The following P2RY8 variants were observed in gnomAD, a reference collection of about 807,000 sequenced individuals.
P2RY8 encodes P2Y receptor family member 8, also known as S-geranylgeranyl-glutathione receptor P2RY8.
Under a neutral mutation model 10.0 loss-of-function variants are expected in P2RY8, and 6 were observed. That is an observed-to-expected ratio of 0.60 (90% CI 0.33 to 1.19). The LOEUF is 1.19. Among genes scored for constraint, P2RY8 ranks in the 50% most tolerant of loss-of-function variants. The pLI is 0.04. For synonymous variants in P2RY8, 276 were observed against 252.5 expected (o/e 1.09, Z -0.88); for missense variants, 456 against 542.0 (o/e 0.84, Z 1.58).
intron 1 of P2RY8, among the ~76,000 whole-genome samples, chrX:1,481,101 T>C (rs1226297230): frequency 2.0e-5 from 3 of 151,862 alleles, no homozygotes; most frequent in Non-Finnish European, 2.9e-5. Flanking sequence ...GGAACTCTCA[T>C]TGAATGCTGG....
intron 1 of P2RY8, among the ~76,000 whole-genome samples, chrX:1,512,072 C>CA: frequency 6.6e-6 from 1 of 151,984 alleles, no homozygotes; most frequent in African/African-American, 2.4e-5. Context: ...CCCAGGCTGG[C>CA]GGGGGGGTCT....
chrX:1,466,191 A>G lies in P2RY8; in HGVS notation c.368T>C (p.Leu123Pro), dbSNP rs2091673695. ...GGAGCTGAGCGGGTACAGGACCCCC[A>G]GGAAGCGCTCCACGCTGATACAGGT... is the stretch of plus-strand genomic sequence containing the variant. The part of the protein sequence containing the change: ...TMTCISVERF[L>P]GVLYPLSSKR... The change falls in exon 2 of 2, where the codon CTG (leucine) becomes CCG (proline). Residue 123 changes from leucine (L) to proline (P), a missense_variant. Leu to Pro is a moderately conservative substitution (Grantham distance 98, BLOSUM62 -3). Coordinates refer to ENST00000381297, the MANE Select transcript of P2RY8 (RefSeq NM_178129.5). 6.2e-7 allele frequency: 1 copy of G among 1,612,778 alleles called. No individual in the cohort carries two copies. Among genetic ancestry groups the G allele is most frequent in the African/African-American group, 1.3e-5 (1 of 74,910 alleles).
At chrX:1,487,947 A>G (rs1452823246) in intron 1 of P2RY8, among the ~76,000 whole-genome samples, 1 of 152,070 alleles carries the variant, frequency 6.6e-6, no homozygotes, top group African/African-American at 2.4e-5. Context: ...CGTCTCTACT[A>G]AAACTATAAA....
chrX:1,494,869 A>ATTTTTTTTTTTTTTTTTTTTTT, intron 1 of P2RY8, among the ~76,000 whole-genome samples: 1 of 143,892 alleles, frequency 6.9e-6, no homozygotes, highest in African/African-American at 2.6e-5. Context: ...CACCTGGCTA[A>ATTTTTTTTTTTTTTTTTTTTTT]TTTTTTTTTT....
At chrX:1,504,120 A>G (rs1403681234) in intron 1 of P2RY8, among the ~76,000 whole-genome samples, 1 of 151,950 alleles carries the variant, frequency 6.6e-6, no homozygotes, top group Admixed American at 6.6e-5. Flanking sequence ...ATTCGAGACC[A>G]GCCTGTCCAA....
At chrX:1,525,190 T>C (rs2092431796) in intron 1 of P2RY8, among the ~76,000 whole-genome samples, 1 of 152,206 alleles carries the variant, frequency 6.6e-6, no homozygotes, top group South Asian at 2.1e-4. Flanking sequence ...AAGAATTTGT[T>C]TGGAGAGTGT....
chrX:1,465,520 C>T lies in P2RY8; in HGVS notation c.1039G>A (p.Ala347Thr). Residue 347 changes from alanine (A) to threonine (T), a missense_variant, in exon 2 of 2, where the codon GCC becomes ACC. Coordinates refer to ENST00000381297, the MANE Select transcript of P2RY8 (RefSeq NM_178129.5). ...TGCCTCTGGAGGCCGGGCCTGGTGG[C>T]TCCCTCCATCCCTTCAGGGTGCGCA... ...AGAHPEGMEG[A>T]TRPGLQRQES... is the part of the protein sequence containing the mutation. 1 of 1,610,858 alleles carries T rather than the reference C, an allele frequency of 6.2e-7. No homozygotes were observed. Among genetic ancestry groups the T allele is most frequent in the African/African-American group, 1.3e-5 (1 of 75,000 alleles).
At chrX:1,509,668 T>TCATCCATCCATCCATC (rs749271833) in intron 1 of P2RY8, among the ~76,000 whole-genome samples, 2 of 122,596 alleles carry the variant, frequency 1.6e-5, no homozygotes, top group African/African-American at 7.0e-5. Flanking sequence ...CTGTATGTGT[T>TCATCCATCCATCCATC]CATCCATCCA....
rs1164359241 is a variant in P2RY8, at chrX:1,502,430, G to A, written c.-25+34491C>T. Among the ~76,000 whole-genome samples the A allele has an allele frequency of 3.3e-5, 5 of 152,068 alleles. 1 individual carries two copies. The highest frequency in any genetic ancestry group is 3.9e-4 in the East Asian group (2 of 5,186). ...TCAGCCAGGGACAGGACCCCGCTGC[G>A]AGCCAGGTTCCTCTTTCTACTGACT... On this transcript the variant is annotated intron_variant, in intron 1 of 1. Coordinates refer to ENST00000381297, the MANE Select transcript of P2RY8 (RefSeq NM_178129.5).
chrX:1,533,647 A>T (rs1452103760), intron 1 of P2RY8, among the ~76,000 whole-genome samples: 2 of 125,222 alleles, frequency 1.6e-5, no homozygotes, highest in Non-Finnish European at 3.1e-5. Flanking sequence ...CATATTTATT[A>T]TTTACATATT....
rs1329246782 is a variant in P2RY8 at position 1,464,888 on chromosome X, C to T, written c.*591G>A. On this transcript the variant is annotated 3_prime_UTR_variant, in exon 2 of 2. Transcript: ENST00000381297. Reference sequence around the variant, plus strand: ...TTCCAACCACAGCAACCACAGTGCCCCTGAGTGAAATAAACAGAAATTTCG... The same window carrying T: ...TTCCAACCACAGCAACCACAGTGCCTCTGAGTGAAATAAACAGAAATTTCG... 8 of 234,370 alleles carry T rather than the reference C, an allele frequency of 3.4e-5. No homozygotes were observed. The highest frequency in any genetic ancestry group is 5.9e-5 in the Non-Finnish European group (7 of 118,992). The allele number at this position is 234,370 out of a possible 1,614,324, so 14.5% of individuals were successfully genotyped here.
Position 1,466,099 on chromosome X carries a change from C to T in P2RY8, c.460G>A (p.Ala154Thr), listed in dbSNP as rs774686262. The T allele has an allele frequency of 1.9e-6, 3 of 1,611,570 alleles. No homozygotes were observed. Among genetic ancestry groups the T allele is most frequent in the South Asian group, 2.2e-5 (2 of 90,968 alleles). ...TCGGTGCGCGCCAGCGGGGACAGGG[C>T]GGTCAGGAGCAGCAGCCAGGTCCCT... ...CAGTWLLLLT[A>T]LSPLARTDLT... Residue 154 changes from alanine to threonine, a missense_variant, in exon 2 of 2, where the codon GCC (alanine) becomes ACC (threonine). Physicochemically the swap from Ala to Thr is moderately conservative, Grantham distance 58. Coordinates refer to ENST00000381297, the MANE Select transcript of P2RY8 (RefSeq NM_178129.5).
chrX:1,468,643 G>C (rs1368067951), intron 1 of P2RY8, among the ~76,000 whole-genome samples: 5 of 151,804 alleles, frequency 3.3e-5, no homozygotes, highest in African/African-American at 1.2e-4. Context: ...AGAGGTGGCT[G>C]TCCAGAAATT....
At position 1,465,671 on chromosome X, in the gene P2RY8, C is replaced by T. The variant is rs758940911; in HGVS notation, c.888G>A (p.Ala296=). The change falls in exon 2 of 2, where the codon GCG becomes GCA. Residue 296 remains alanine (A), a synonymous_variant. Coordinates refer to ENST00000381297, the MANE Select transcript of P2RY8 (RefSeq NM_178129.5). The part of the protein sequence containing the change: ...NCLDPFVYYF[A]SREFQLRLRE... ...GCAGGCGCAGCTGGAATTCCCGGGA[C>T]GCAAAGTAATAAACAAACGGGTCCA... 2.5e-6 allele frequency: 4 copies of T among 1,613,476 alleles called. No individual in the cohort carries two copies. The highest frequency in any genetic ancestry group is 1.3e-5 in the African/African-American group (1 of 74,908).
chrX:1,463,986 A>G lies in P2RY8; in HGVS notation c.*1493T>C, dbSNP rs2091625371. 3 of 233,174 alleles carry G rather than the reference A, an allele frequency of 1.3e-5. No homozygotes were observed. Among genetic ancestry groups the G allele is most frequent in the Admixed American group, 5.6e-5 (1 of 17,776 alleles). The allele number at this position is 233,174 out of a possible 1,614,324, so 14.4% of individuals were successfully genotyped here. A position where few individuals can be genotyped will look rare whatever the true frequency, so the allele number is the denominator to read the frequency against. On this transcript the variant is annotated 3_prime_UTR_variant, in exon 2 of 2. Coordinates refer to ENST00000381297, the MANE Select transcript of P2RY8 (RefSeq NM_178129.5). ...GACACGGGTTTGGGAATGATAATTC[A>G]TTACTAAACCATCTCTGTTTTCCTG...
chrX:1,532,028 T>C (rs2092479083), intron 1 of P2RY8, among the ~76,000 whole-genome samples: 1 of 152,130 alleles, frequency 6.6e-6, no homozygotes, highest in Non-Finnish European at 1.5e-5. Flanking sequence ...AATGTAGAAC[T>C]ACCATTTGAT....
At chrX:1,485,162 G>T (rs2091975754) in intron 1 of P2RY8, among the ~76,000 whole-genome samples, 3 of 151,570 alleles carry the variant, frequency 2.0e-5, no homozygotes, top group South Asian at 2.1e-4. Context: ...TTTGAAGGTG[G>T]TTTCTCACTC....
At chrX:1,502,551 C>T (rs1388050127) in intron 1 of P2RY8, among the ~76,000 whole-genome samples, 2 of 152,208 alleles carry the variant, frequency 1.3e-5, no homozygotes, top group Admixed American at 1.3e-4. Context: ...CTCTCAGCAG[C>T]CTTCCCCACC....
At chrX:1,500,530 C>T (rs1487350782) in intron 1 of P2RY8, among the ~76,000 whole-genome samples, 13 of 150,382 alleles carry the variant, frequency 8.6e-5, no homozygotes, top group African/African-American at 2.0e-4. Flanking sequence ...CTGCAACCTC[C>T]GCCTCCCGAG....
Sources: gnomAD v4.1 joint callset for allele counts (sites outside exome capture counted in the v4.1 genomes callset) on GRCh38, gnomAD v4.1.1 for gene constraint, MANE v1.5 for transcripts, NCBI Gene and HGNC (gene_info 2026-07-23, HGNC 2026-07-21) for gene names.